Variants in KLHDC1 observed in about 807,000 individuals in gnomAD.
KLHDC1 encodes kelch domain-containing protein 1.
KLHDC1 carries 53 observed loss-of-function variants against 68.3 expected under a neutral mutation model. That is an observed-to-expected ratio of 0.78 (90% CI 0.62 to 0.98). The LOEUF (loss-of-function observed/expected upper bound fraction) is 0.98. Ranked by LOEUF, KLHDC1 falls within the 50% of genes least tolerant of loss-of-function variation. The probability of loss-of-function intolerance (pLI) is 0.00; values close to 1 mark genes in which losing one functional copy is unlikely to be tolerated. For synonymous variants in KLHDC1, 148 were observed against 159.0 expected (o/e 0.93, Z 0.52); for missense variants, 470 against 492.3 (o/e 0.95, Z 0.43).
At chr14:49,730,573 T>C (rs1273213739) in intron 8 of KLHDC1, among the ~76,000 whole-genome samples, 1 of 152,014 alleles carries the variant, frequency 6.6e-6, no homozygotes, top group Non-Finnish European at 1.5e-5. Flanking sequence ...CCACAAGAAC[T>C]CAGTAAATCA....
Position 49,751,796 on chromosome 14 carries a change from A to C in KLHDC1, c.*24A>C, listed in dbSNP as rs1889326922. 7.8e-7 allele frequency: 1 copy of C among 1,288,246 alleles called. No homozygotes were observed. Among genetic ancestry groups the C allele is most frequent in the African/African-American group, 1.5e-5 (1 of 65,806 alleles). 79.8% of individuals were successfully genotyped at this position (1,288,246 alleles called of 1,614,324 possible). On this transcript the variant is annotated 3_prime_UTR_variant, in exon 13 of 13. Coordinates refer to ENST00000359332, the MANE Select transcript of KLHDC1 (RefSeq NM_172193.3). The stretch of plus-strand genomic sequence containing the variant: ...AAATTGTTATATACTTTACATATTT[A>C]GTATGTTTTAACTTTTTAATCAGAC...
At chr14:49,703,843 T>G (rs1887973173) in intron 1 of KLHDC1, among the ~76,000 whole-genome samples, 1 of 152,252 alleles carries the variant, frequency 6.6e-6, no homozygotes, top group Admixed American at 6.5e-5. Flanking sequence ...ATGAGTTTAC[T>G]GCAATTTATC....
intron 11 of KLHDC1, among the ~76,000 whole-genome samples, chr14:49,743,211 A>G (rs375313778): frequency 1.3e-5 from 2 of 152,042 alleles, no homozygotes; most frequent in African/African-American, 2.4e-5. Flanking sequence ...AGCCTGGCCA[A>G]CATGGCGAAA....
At chr14:49,745,353 G>T (rs1889175401) in intron 12 of KLHDC1, among the ~76,000 whole-genome samples, 1 of 152,150 alleles carries the variant, frequency 6.6e-6, no homozygotes. Flanking sequence ...GATTTAATTA[G>T]TCCAGGGTGT....
At chr14:49,737,471 C>T (rs1163157586) in intron 10 of KLHDC1, among the ~76,000 whole-genome samples, 1 of 151,956 alleles carries the variant, frequency 6.6e-6, no homozygotes, top group African/African-American at 2.4e-5. Flanking sequence ...GTCCCAGTTC[C>T]TGGGAAGTAG....
chr14:49,712,153 C>T (rs1215780144), intron 4 of KLHDC1, among the ~76,000 whole-genome samples: 1 of 151,584 alleles, frequency 6.6e-6, no homozygotes, highest in African/African-American at 2.4e-5. Context: ...CTCCTGACCT[C>T]GTGATCCACC....
chr14:49,716,949 A>G (rs1888393898), intron 4 of KLHDC1, among the ~76,000 whole-genome samples: 1 of 152,190 alleles, frequency 6.6e-6, no homozygotes, highest in Admixed American at 6.5e-5. Flanking sequence ...GATAATAGGT[A>G]TTTCATAAAA....
intron 11 of KLHDC1, among the ~76,000 whole-genome samples, chr14:49,742,337 A>T (rs1019058448): frequency 7.2e-5 from 11 of 152,252 alleles, no homozygotes; most frequent in African/African-American, 2.7e-4. Context: ...GAGACTCATT[A>T]TTCAAATAAT....
At chr14:49,706,451 G>T (rs1258033871) in intron 1 of KLHDC1, among the ~76,000 whole-genome samples, 4 of 152,168 alleles carry the variant, frequency 2.6e-5, no homozygotes, top group African/African-American at 9.7e-5. Context: ...TGGGAGTGCA[G>T]ATATCTCTGC....
At chr14:49,724,143 C>T (rs921373695) in intron 5 of KLHDC1, among the ~76,000 whole-genome samples, 191 bp downstream of exon 5, 1 of 152,112 alleles carries the variant, frequency 6.6e-6, no homozygotes, top group African/African-American at 2.4e-5. Flanking sequence ...TGGTATTAGC[C>T]TTCATGGCTA....
intron 1 of KLHDC1, among the ~76,000 whole-genome samples, chr14:49,696,468 AC>A (rs1887746191): frequency 6.6e-6 from 1 of 152,190 alleles, no homozygotes. Context: ...GGTGTGAGTC[AC>A]CGTGCCTGGC....
intron 1 of KLHDC1, among the ~76,000 whole-genome samples, chr14:49,700,983 C>T (rs889059443): frequency 6.0e-5 from 9 of 150,990 alleles, no homozygotes; most frequent in Non-Finnish European, 1.0e-4. Flanking sequence ...CTCAGGAGGC[C>T]GAGGCAGGAG....
At position 49,731,800 on chromosome 14, in the gene KLHDC1, G is replaced by A. The variant is rs149735659; in HGVS notation, c.711-904G>A. ...GCTTGAGCAATCCTCCTGCCTTGGC[G>A]TCCCAAAGTGCTGGGATTACAGAAG... On this transcript the variant is annotated intron_variant, in intron 8 of 12. Coordinates refer to ENST00000359332, the MANE Select transcript of KLHDC1 (RefSeq NM_172193.3). Among the ~76,000 whole-genome samples, 786 of 152,084 alleles carry A rather than the reference G, an allele frequency of 5.2e-3. 3 individuals are homozygous for A. Among genetic ancestry groups the A allele is most frequent in the African/African-American group, 0.016 (682 of 41,484 alleles).
chr14:49,696,660 C>T (rs868562751), intron 1 of KLHDC1, among the ~76,000 whole-genome samples: 9 of 152,148 alleles, frequency 5.9e-5, no homozygotes, highest in African/African-American at 2.2e-4. Flanking sequence ...GTATCCAGAC[C>T]ACTAAAACTT....
intron 1 of KLHDC1, among the ~76,000 whole-genome samples, chr14:49,701,844 A>G (rs565114941): frequency 3.8e-4 from 58 of 151,626 alleles, no homozygotes; most frequent in African/African-American, 1.4e-3. Context: ...GACCAGCCTG[A>G]CCAATATGAT....
intron 4 of KLHDC1, among the ~76,000 whole-genome samples, chr14:49,712,849 A>C (rs1888242954): frequency 6.6e-6 from 1 of 151,772 alleles, no homozygotes. Context: ...CATGTTGGTC[A>C]GCCTGGCCTT....
chr14:49,709,362 A>G, intron 2 of KLHDC1, 133 bp downstream of exon 2: 1 of 500,204 alleles, frequency 2.0e-6, no homozygotes, highest in Non-Finnish European at 3.5e-6. Context: ...TTTCCTTTCA[A>G]TGCTTTTATT....
chr14:49,693,841 C>G (rs930686151), intron 1 of KLHDC1, among the ~76,000 whole-genome samples: 1 of 148,290 alleles, frequency 6.7e-6, no homozygotes, highest in Admixed American at 6.8e-5. Flanking sequence ...CTCCGCCCCC[C>G]GCCCCGGGTT....
At chr14:49,714,783 T>C (rs1339151507) in intron 4 of KLHDC1, among the ~76,000 whole-genome samples, 1 of 150,448 alleles carries the variant, frequency 6.6e-6, no homozygotes, top group African/African-American at 2.4e-5. Flanking sequence ...TACTATACTA[T>C]AAATGTATGG....
Sources: allele counts gnomAD v4.1 joint callset (sites outside exome capture counted in the v4.1 genomes callset), GRCh38; gene constraint gnomAD v4.1.1; transcripts MANE v1.5; gene names NCBI Gene and HGNC (gene_info 2026-07-23, HGNC 2026-07-21).